DROSHA: variants seen among roughly 807,000 people sequenced by gnomAD.
DROSHA encodes ribonuclease 3.
Under a neutral mutation model 181.9 loss-of-function variants are expected in DROSHA, and 56 were observed. The observed-to-expected ratio is 0.31, with a 90% confidence interval of 0.25 to 0.38. The LOEUF (loss-of-function observed/expected upper bound fraction) is 0.38, where lower values mean the gene tolerates loss of function less well. Among genes scored for constraint, DROSHA ranks in the 10% least tolerant of loss-of-function variants. The pLI, the probability that DROSHA is intolerant of heterozygous loss-of-function variation, is 1.00. For synonymous variants in DROSHA, 524 were observed against 591.2 expected, an observed-to-expected ratio of 0.89 and a Z score of 1.65; for missense variants, 1,218 against 1,743.5, an observed-to-expected ratio of 0.70 and a Z score of 5.37.
At chr5:31,465,770 C>T (rs992096302) in intron 19 of DROSHA, among the ~76,000 whole-genome samples, 2 of 152,098 alleles carry the variant, frequency 1.3e-5, no homozygotes, top group Non-Finnish European at 2.9e-5. Context: ...CCTCCTCCCT[C>T]TCTTCCTCCC....
intron 20 of DROSHA, among the ~76,000 whole-genome samples, chr5:31,460,912 C>A (rs1272643225): frequency 2.6e-5 from 4 of 151,810 alleles, no homozygotes; most frequent in Non-Finnish European, 5.9e-5. Flanking sequence ...CAAAAAACAA[C>A]AACAAAAACA....
At chr5:31,496,189 C>G (rs981994580) in intron 11 of DROSHA, among the ~76,000 whole-genome samples, 4 of 152,168 alleles carry the variant, frequency 2.6e-5, no homozygotes, top group South Asian at 2.1e-4. Flanking sequence ...GTAATCATAG[C>G]ACTTTAGGAG....
chr5:31,405,130 G>C (rs1307042046), intron 35 of DROSHA, among the ~76,000 whole-genome samples: 1 of 152,172 alleles, frequency 6.6e-6, no homozygotes, highest in African/African-American at 2.4e-5. Flanking sequence ...ACTTTTGGAG[G>C]CCCAGGTGGG....
chr5:31,429,721 T>C (rs1743933390), intron 26 of DROSHA, among the ~76,000 whole-genome samples, 176 bp from the exon 27 acceptor site: 1 of 152,208 alleles, frequency 6.6e-6, no homozygotes, highest in Admixed American at 6.5e-5. Context: ...TCCTTTGCAT[T>C]ACAAATTAGA....
chr5:31,431,703 G>GT (rs1561148836), intron 25 of DROSHA, 25 bp from the exon 26 acceptor site: 1 of 1,611,490 alleles, frequency 6.2e-7, no homozygotes, highest in Admixed American at 1.7e-5. Context: ...ATGACAAAAC[G>GT]TAAGAAAGAG....
intron 12 of DROSHA, among the ~76,000 whole-genome samples, chr5:31,494,929 C>T (rs1752802269): frequency 6.6e-6 from 1 of 152,132 alleles, no homozygotes; most frequent in South Asian, 2.1e-4. Flanking sequence ...CCACCTCGGC[C>T]TCCCAAAGTG....
chr5:31,497,494 T>C (rs1357540942), intron 11 of DROSHA, among the ~76,000 whole-genome samples: 1 of 152,186 alleles, frequency 6.6e-6, no homozygotes, highest in African/African-American at 2.4e-5. Context: ...ACTATGGGCC[T>C]GGAAGGATCT....
rs567890406 is a variant in DROSHA at position 31,440,096 on chromosome 5, T to A, written c.2883-2798A>T. 3.2e-4 allele frequency among the ~76,000 whole-genome samples: 49 copies of A among 152,270 alleles called. 1 individual carries two copies. The highest frequency in any genetic ancestry group is 6.0e-4 in the Non-Finnish European group (41 of 68,012). ...CAACTAGCAACTTTCAAGTCCATGT[T>A]GATCAACCTGCACAACTGTACCATG... is the stretch of plus-strand genomic sequence containing the variant. On this transcript the variant is annotated intron_variant, in intron 23 of 35. Coordinates refer to ENST00000344624, the MANE Select transcript of DROSHA (RefSeq NM_001382508.1).
chr5:31,486,357 T>TC, intron 14 of DROSHA, 134 bp downstream of exon 14: 1 of 834,156 alleles, frequency 1.2e-6, no homozygotes, highest in African/African-American at 1.7e-5. Flanking sequence ...ACTGACTCTT[T>TC]CAACAGTGAA....
chr5:31,528,891 C>T, intron 4 of DROSHA, 149 bp downstream of exon 4: 1 of 1,087,760 alleles, frequency 9.2e-7, no homozygotes, highest in Non-Finnish European at 1.3e-6. Flanking sequence ...GCATGGCCCT[C>T]TATTGTATTG....
Position 31,435,876 on chromosome 5 carries a change from A to G in DROSHA, c.2943-12T>C, listed in dbSNP as rs990738171. The G allele has an allele frequency of 1.9e-5, 31 of 1,608,300 alleles. No individual in the cohort carries two copies. The highest frequency in any genetic ancestry group is 2.6e-5 in the Non-Finnish European group (31 of 1,178,172). On this transcript the variant is annotated splice_polypyrimidine_tract_variant and intron_variant, in intron 24 of 35. Coordinates refer to ENST00000344624, the MANE Select transcript of DROSHA (RefSeq NM_001382508.1). The stretch of plus-strand genomic sequence containing the variant: ...AGTACAAATGGACGCTACAAAAAAA[A>G]AAAGAAGTACATGAATAAATATGCA...
intron 21 of DROSHA, among the ~76,000 whole-genome samples, 192 bp from the exon 22 acceptor site, chr5:31,449,611 C>T (rs1178312693): frequency 6.6e-6 from 1 of 152,094 alleles, no homozygotes; most frequent in African/African-American, 2.4e-5. Flanking sequence ...ACTGGAGTCC[C>T]AGCTACTCAA....
chr5:31,466,152 A>G (rs1748987555), intron 19 of DROSHA, 30 bp downstream of exon 19: 7 of 1,599,538 alleles, frequency 4.4e-6, no homozygotes, highest in Non-Finnish European at 6.0e-6. Context: ...CATCATCGTT[A>G]ATCACCAAGG....
intron 19 of DROSHA, 84 bp from the exon 20 acceptor site, chr5:31,464,427 G>T: frequency 3.2e-6 from 4 of 1,247,932 alleles, no homozygotes; most frequent in Admixed American, 4.0e-5. Context: ...AAATAAGTTG[G>T]ATTCATTTAA....
intron 20 of DROSHA, among the ~76,000 whole-genome samples, chr5:31,456,250 G>C (rs575438423): frequency 2.0e-5 from 3 of 152,144 alleles, no homozygotes; most frequent in Admixed American, 1.3e-4. Flanking sequence ...TCACAAGTGA[G>C]TCAATATAAG....
chr5:31,504,983 G>A (rs1198070382), intron 10 of DROSHA, among the ~76,000 whole-genome samples: 1 of 152,112 alleles, frequency 6.6e-6, no homozygotes, highest in Non-Finnish European at 1.5e-5. Context: ...TTTCACAAAA[G>A]CAAATTTTAT....
chr5:31,416,082 T>C (rs1025117664), intron 30 of DROSHA, among the ~76,000 whole-genome samples: 1 of 152,236 alleles, frequency 6.6e-6, no homozygotes, highest in Non-Finnish European at 1.5e-5. Context: ...ATTTGCTCAA[T>C]TGTCCTTATT....
chr5:31,421,087 G>A (rs1013886020), intron 30 of DROSHA, among the ~76,000 whole-genome samples, 185 bp downstream of exon 30: 2 of 152,210 alleles, frequency 1.3e-5, no homozygotes, highest in African/African-American at 4.8e-5. Flanking sequence ...AAATAAAGGA[G>A]TATAAAATGA....
At chr5:31,462,133 T>C (rs911870234) in intron 20 of DROSHA, among the ~76,000 whole-genome samples, 3 of 152,198 alleles carry the variant, frequency 2.0e-5, no homozygotes, top group African/African-American at 7.2e-5. Flanking sequence ...GGTAGCTTGC[T>C]GGCTCATTTT....
Sources: gnomAD v4.1 joint callset for allele counts (sites outside exome capture counted in the v4.1 genomes callset) on GRCh38, gnomAD v4.1.1 for gene constraint, MANE v1.5 for transcripts, NCBI Gene and HGNC (gene_info 2026-07-23, HGNC 2026-07-21) for gene names.